Variants in VWDE observed in about 807,000 individuals in gnomAD.
VWDE encodes the protein von Willebrand factor D and EGF domains.
VWDE carries 207 observed loss-of-function variants against 178.4 expected under a neutral mutation model. The ratio of observed to expected loss-of-function variants is 1.16; its 90% CI spans 1.04 to 1.30. The LOEUF is 1.30. VWDE is among the 50% of genes most tolerant of loss of function. The pLI is 0.00. For synonymous variants in VWDE, 738 were observed against 651.4 expected (o/e 1.13, Z -2.02); for missense variants, 2,287 against 1,901.3 (o/e 1.20, Z -3.77).
At position 12,383,536 on chromosome 7, in the gene VWDE, G is replaced by A. The variant is rs1479460177; in HGVS notation, c.541C>T (p.Arg181Cys). 12 of 1,549,366 alleles carry A rather than the reference G, an allele frequency of 7.7e-6. No homozygotes were observed. The highest frequency in any genetic ancestry group is 1.4e-5 in the African/African-American group (1 of 72,912). ...DETETGGDCV[R>C]QLAASLPPPP... Reference sequence around the variant, plus strand: ...TAAAAAAGCAAAATATGATACTTACGAACACAATCACCTCCTGTTTCAGTT... The same window carrying A: ...TAAAAAAGCAAAATATGATACTTACAAACACAATCACCTCCTGTTTCAGTT... Residue 181 changes from arginine to cysteine, a missense_variant and splice_region_variant, in exon 4 of 29, where the codon CGT (arginine) becomes TGT (cysteine). Transcript: ENST00000275358.
intron 1 of VWDE, among the ~76,000 whole-genome samples, chr7:12,394,657 T>C (rs1784544322): frequency 6.6e-6 from 1 of 152,180 alleles, no homozygotes; most frequent in African/African-American, 2.4e-5. Flanking sequence ...CAAGGAACTG[T>C]CTGTATTTGA....
chr7:12,361,429 A>T lies in VWDE; in HGVS notation c.2991T>A (p.Asp997Glu). 6.4e-7 allele frequency: 1 copy of T among 1,551,254 alleles called. No individual in the cohort carries two copies. Among genetic ancestry groups the T allele is most frequent in the Non-Finnish European group, 8.7e-7 (1 of 1,146,678 alleles). Residue 997 changes from aspartate (D) to glutamate (E), a missense_variant, in exon 14 of 29, where the codon GAT becomes GAA. Asp to Glu is a conservative substitution (Grantham distance 45). Transcript: ENST00000275358. ...SRAVDCQLPT[D>E]VQQFDTMDLV... ...GATCCATGGTATCAAACTGCTGAACATCAGTGGGCAGCTGACAATCAACAG... is the reference window on the plus strand; with the variant it reads ...GATCCATGGTATCAAACTGCTGAACTTCAGTGGGCAGCTGACAATCAACAG...
intron 12 of VWDE, 29 bp downstream of exon 12, chr7:12,369,516 A>C: frequency 6.7e-7 from 1 of 1,484,950 alleles, no homozygotes; most frequent in Non-Finnish European, 9.0e-7. Flanking sequence ...TATCACATGC[A>C]ATATCAAACT....
rs2128551742 is a variant in VWDE, at chr7:12,356,301, A to T, written c.3555T>A (p.Asn1185Lys). Residue 1185 changes from asparagine (N) to lysine (K), a missense_variant, in exon 18 of 29, where the codon AAT (asparagine) becomes AAA (lysine). By Grantham distance (94) the Asn-to-Lys change is moderately conservative. Transcript: ENST00000275358. ...EVTVKSCDCL[N>K]GGSCVSDRNF... Reference sequence around the variant, plus strand: ...TCCTATCAGATACACATGATCCACCATTCAAGCAATCACAAGACTTCACAG... The same window carrying T: ...TCCTATCAGATACACATGATCCACCTTTCAAGCAATCACAAGACTTCACAG... 1 of 1,551,590 alleles carries T rather than the reference A, an allele frequency of 6.4e-7. No homozygotes were observed. Among genetic ancestry groups the T allele is most frequent in the South Asian group, 1.2e-5 (1 of 84,044 alleles).
chr7:12,394,184 C>T (rs916945322), intron 1 of VWDE, among the ~76,000 whole-genome samples: 1 of 152,082 alleles, frequency 6.6e-6, no homozygotes, highest in Non-Finnish European at 1.5e-5. Flanking sequence ...CCAAAGTAGC[C>T]ACATGCCTAA....
chr7:12,398,159 T>C (rs997279603), intron 1 of VWDE, among the ~76,000 whole-genome samples: 6 of 152,150 alleles, frequency 3.9e-5, no homozygotes, highest in African/African-American at 1.2e-4. Flanking sequence ...GAATCAGCCA[T>C]GGTGCCCATC....
intron 1 of VWDE, among the ~76,000 whole-genome samples, chr7:12,398,587 G>C (rs772659902): frequency 1.3e-5 from 2 of 152,028 alleles, no homozygotes; most frequent in South Asian, 2.1e-4. Context: ...TCCTCAGCTG[G>C]AGCACCCTAT....
In VWDE at chr7:12,369,574, A is replaced by C; in HGVS notation, c.2732T>G (p.Phe911Cys). The C allele has an allele frequency of 1.3e-6, 2 of 1,542,656 alleles. No homozygotes were observed. The highest frequency in any genetic ancestry group is 1.8e-6 in the Non-Finnish European group (2 of 1,139,946). Residue 911 changes from phenylalanine to cysteine, a missense_variant, in exon 12 of 29, where the codon TTT (phenylalanine) becomes TGT (cysteine). Coordinates refer to ENST00000275358, the MANE Select transcript of VWDE (RefSeq NM_001135924.3). ...GGAATCACTGCAGTCATAGGAACTA[A>C]AGCTTGGGGAACACGCACACCCCCA... ...MEWGCACSPS[F>C]SSYDCSDSYD...
chr7:12,343,935 T>A (rs1781462107), intron 21 of VWDE, among the ~76,000 whole-genome samples: 1 of 152,126 alleles, frequency 6.6e-6, no homozygotes, highest in African/African-American at 2.4e-5. Flanking sequence ...TAACTAAACC[T>A]CAAATCATTT....
At chr7:12,356,576 A>C (rs934572865) in intron 17 of VWDE, among the ~76,000 whole-genome samples, 1 of 152,190 alleles carries the variant, frequency 6.6e-6, no homozygotes, top group Non-Finnish European at 1.5e-5. Flanking sequence ...TCTAAAAAAA[A>C]AGTTACAAGA....
chr7:12,358,349 G>A (rs1327141388), intron 16 of VWDE, among the ~76,000 whole-genome samples: 1 of 145,614 alleles, frequency 6.9e-6, no homozygotes, highest in Non-Finnish European at 1.5e-5. Context: ...GCTCCAGCCT[G>A]GGAGACAGAA....
Position 12,370,636 on chromosome 7 carries a change from G to A in VWDE, c.1796+20C>T, listed in dbSNP as rs1419489401. On this transcript the variant is annotated intron_variant, in intron 11 of 28. Transcript: ENST00000275358. ...AAGTCTAATATTAATATAATCGCAA[G>A]TGGAAAAATAGTGTCTTACCTCCAT... is the stretch of plus-strand genomic sequence containing the variant. 2 of 1,547,302 alleles carry A rather than the reference G, an allele frequency of 1.3e-6. No homozygotes were observed. The highest frequency in any genetic ancestry group is 2.4e-5 in the South Asian group (2 of 83,594).
chr7:12,377,000 A>G (rs1027830303), intron 7 of VWDE, among the ~76,000 whole-genome samples: 1 of 152,082 alleles, frequency 6.6e-6, no homozygotes, highest in African/African-American at 2.4e-5. Flanking sequence ...TATTTACTAA[A>G]GACAATGTAA....
intron 5 of VWDE, 119 bp from the exon 6 acceptor site, chr7:12,379,685 GAATT>G (rs1374923106): frequency 1.3e-5 from 8 of 594,648 alleles, no homozygotes; most frequent in Non-Finnish European, 2.1e-5. Context: ...GATAATAAAA[GAATT>G]AAATAATTTA....
Position 12,399,920 on chromosome 7 carries a change from T to A in VWDE, c.58+3739A>T, listed in dbSNP as rs182069030. Among the ~76,000 whole-genome samples the A allele has an allele frequency of 3.9e-5, 6 of 152,122 alleles. No homozygotes were observed. In the East Asian group the frequency reaches 9.6e-4, roughly 24 times the overall value. On this transcript the variant is annotated intron_variant, in intron 1 of 28. Transcript: ENST00000275358. Reference sequence around the variant, plus strand: ...GAATGAAATTAGAACTCAATAACAATGAAATTTAAAAAACTTTACAAATAT... The same window carrying A: ...GAATGAAATTAGAACTCAATAACAAAGAAATTTAAAAAACTTTACAAATAT...
chr7:12,370,206 T>G lies in VWDE; in HGVS notation c.2100A>C (p.Lys700Asn), dbSNP rs778133031. ...AGCCGAGTTTAGTCAGGTTTATGTG[T>G]TTTTTTTCTTGCAGAAATAAATTTA... ...YNLNLFLQEKKHINLTKLGLN... is the reference protein window; with the variant it reads ...YNLNLFLQEKNHINLTKLGLN... Residue 700 changes from lysine to asparagine, a missense_variant, in exon 12 of 29, where the codon AAA becomes AAC. Transcript: ENST00000275358. 31 of 1,550,752 alleles carry G rather than the reference T, an allele frequency of 2.0e-5. No individual in the cohort carries two copies. The South Asian group carries it at 2.0e-4, about 10-fold the overall frequency.
chr7:12,373,802 T>C (rs557951552), intron 9 of VWDE, among the ~76,000 whole-genome samples: 12 of 152,156 alleles, frequency 7.9e-5, no homozygotes, highest in Admixed American at 3.9e-4. Flanking sequence ...TTAATCTTGT[T>C]GAATTGTCAG....
chr7:12,393,804 A>C (rs2128562741), intron 1 of VWDE, 26 bp from the exon 2 acceptor site: 1 of 1,509,152 alleles, frequency 6.6e-7, no homozygotes, highest in Middle Eastern at 1.7e-4. Flanking sequence ...AGGTGTTTTT[A>C]TGTAATGTGT....
At position 12,357,374 on chromosome 7, in the gene VWDE, C is replaced by T. The variant is rs748049687; in HGVS notation, c.3416G>A (p.Ser1139Asn). The change falls in exon 17 of 29, where the codon AGT becomes AAT. Residue 1139 changes from serine to asparagine, a missense_variant. By Grantham distance (46) the Ser-to-Asn change is conservative. Coordinates refer to ENST00000275358, the MANE Select transcript of VWDE (RefSeq NM_001135924.3). ...CATAAAAAGCCCTGCAGAGGAAACA[C>T]TTGCCCCTTCAGGACCAGAGTCCAA... ...FTLDSGPEGASVSSAGLFMWK... is the reference protein window; with the variant it reads ...FTLDSGPEGANVSSAGLFMWK... The T allele has an allele frequency of 6.4e-7, 1 of 1,551,830 alleles. No individual in the cohort carries two copies. Among genetic ancestry groups the T allele is most frequent in the African/African-American group, 1.4e-5 (1 of 73,044 alleles).
Sources: gnomAD v4.1 joint callset for allele counts (sites outside exome capture counted in the v4.1 genomes callset) on GRCh38, gnomAD v4.1.1 for gene constraint, MANE v1.5 for transcripts, NCBI Gene and HGNC (gene_info 2026-07-23, HGNC 2026-07-21) for gene names.